SDK1: variants seen among roughly 807,000 people sequenced by gnomAD.
SDK1 encodes the protein sidekick cell adhesion molecule 1, also known as protein sidekick-1.
In SDK1, 157 loss-of-function variants were observed where a neutral mutation model predicts 245.5. The observed-to-expected ratio is 0.64, with a 90% CI of 0.56 to 0.73. The LOEUF is 0.73. Ranked by LOEUF, SDK1 falls within the 30% of genes least tolerant of loss-of-function variation. The pLI, the probability that SDK1 is intolerant of heterozygous loss-of-function variation, is 0.00. For synonymous variants in SDK1, 1,647 were observed against 1,278.5 expected (o/e 1.29, Z -6.15); for missense variants, 3,583 against 3,002.3 (o/e 1.19, Z -4.52).
At position 4,245,811 on chromosome 7, in the gene SDK1, T is replaced by C. The variant is rs371149899; in HGVS notation, c.6381+6T>C. On this transcript the variant is annotated splice_donor_region_variant and intron_variant, in intron 44 of 44. Coordinates refer to ENST00000404826, the MANE Select transcript of SDK1 (RefSeq NM_152744.4). ...CAGATGCATCAGAATCTGAGGTCAGTGTCGGTGCCTACTTCCGGGCAGTGA... is the reference window on the plus strand; with the variant it reads ...CAGATGCATCAGAATCTGAGGTCAGCGTCGGTGCCTACTTCCGGGCAGTGA... 2 of 1,613,694 alleles carry C rather than the reference T, an allele frequency of 1.2e-6. No homozygotes were observed. The highest frequency in any genetic ancestry group is 1.7e-6 in the Non-Finnish European group (2 of 1,179,858).
At chr7:3,755,075 A>G (rs1320825474) in intron 4 of SDK1, among the ~76,000 whole-genome samples, 1 of 152,222 alleles carries the variant, frequency 6.6e-6, no homozygotes, top group Admixed American at 6.5e-5. Context: ...AGCTTGCTAT[A>G]CCAAGGGAGC....
At chr7:3,452,579 A>G (rs1050556518) in intron 1 of SDK1, among the ~76,000 whole-genome samples, 1 of 152,206 alleles carries the variant, frequency 6.6e-6, no homozygotes, top group African/African-American at 2.4e-5. Flanking sequence ...TTTTGTGTAC[A>G]CTTTCATACT....
intron 5 of SDK1, among the ~76,000 whole-genome samples, chr7:3,909,372 C>T (rs1779072871): frequency 6.6e-6 from 1 of 152,196 alleles, no homozygotes; most frequent in South Asian, 2.1e-4. Flanking sequence ...CTGCTGTTGG[C>T]TCCTGTGGAG....
intron 1 of SDK1, among the ~76,000 whole-genome samples, chr7:3,567,893 C>A (rs527599046): frequency 2.0e-5 from 3 of 152,296 alleles, no homozygotes; most frequent in East Asian, 3.9e-4. Flanking sequence ...CTCATTGCAG[C>A]CTCGAACTCG....
chr7:3,481,779 G>C (rs1229787672), intron 1 of SDK1, among the ~76,000 whole-genome samples: 1 of 152,160 alleles, frequency 6.6e-6, no homozygotes, highest in Non-Finnish European at 1.5e-5. Flanking sequence ...ATTTGCTCCA[G>C]GGCATGGCAT....
chr7:3,868,764 C>T (rs1429979046), intron 5 of SDK1, among the ~76,000 whole-genome samples: 1 of 152,142 alleles, frequency 6.6e-6, no homozygotes, highest in East Asian at 1.9e-4. Flanking sequence ...ACATCTGTTA[C>T]CTTTAATTTG....
chr7:4,065,231 C>A (rs537748487), intron 19 of SDK1, among the ~76,000 whole-genome samples: 1 of 152,264 alleles, frequency 6.6e-6, no homozygotes, highest in African/African-American at 2.4e-5. Flanking sequence ...GCTTCAGACT[C>A]TCGGGTGCTG....
intron 1 of SDK1, among the ~76,000 whole-genome samples, chr7:3,306,328 T>C (rs996627795): frequency 2.6e-5 from 4 of 152,164 alleles, no homozygotes; most frequent in African/African-American, 4.8e-5. Flanking sequence ...CCTACCCCAA[T>C]TTTTCTTTCA....
At chr7:3,363,176 T>C (rs753338665) in intron 1 of SDK1, among the ~76,000 whole-genome samples, 2 of 152,228 alleles carry the variant, frequency 1.3e-5, no homozygotes, top group Non-Finnish European at 2.9e-5. Flanking sequence ...GAATCTGTTC[T>C]CCATTTCTAT....
chr7:4,041,306 G>A (rs1184210616), intron 17 of SDK1, among the ~76,000 whole-genome samples: 1 of 117,752 alleles, frequency 8.5e-6, no homozygotes, highest in Non-Finnish European at 1.7e-5. Context: ...TTTTTTTGGA[G>A]TACTTTCAGA....
chr7:3,630,051 A>G (rs1782242621), intron 2 of SDK1, among the ~76,000 whole-genome samples: 2 of 152,232 alleles, frequency 1.3e-5, no homozygotes, highest in Admixed American at 6.5e-5. Context: ...AGATATTAAT[A>G]AAGCTATAGT....
chr7:3,822,673 C>T (rs968024515), intron 5 of SDK1, among the ~76,000 whole-genome samples: 3 of 151,236 alleles, frequency 2.0e-5, no homozygotes, highest in Non-Finnish European at 4.4e-5. Context: ...GAGGCTGAGG[C>T]AGGAGAGTCA....
chr7:3,451,933 G>A (rs1193421562), intron 1 of SDK1, among the ~76,000 whole-genome samples: 1 of 152,138 alleles, frequency 6.6e-6, no homozygotes, highest in Non-Finnish European at 1.5e-5. Flanking sequence ...ATAGCACGCA[G>A]GCTTCTCTCC....
intron 13 of SDK1, among the ~76,000 whole-genome samples, chr7:3,983,520 A>G (rs777918744): frequency 3.3e-5 from 5 of 152,176 alleles, no homozygotes; most frequent in Non-Finnish European, 7.3e-5. Context: ...TGTTTTTTAG[A>G]CATAATGCTA....
intron 5 of SDK1, among the ~76,000 whole-genome samples, chr7:3,928,674 G>C (rs892553767): frequency 1.3e-5 from 2 of 152,112 alleles, no homozygotes; most frequent in African/African-American, 4.8e-5. Context: ...AATAACAATA[G>C]CAACAATGAT....
intron 25 of SDK1, among the ~76,000 whole-genome samples, chr7:4,120,209 T>C (rs1783968880): frequency 1.3e-5 from 2 of 148,848 alleles, no homozygotes; most frequent in African/African-American, 4.9e-5. Flanking sequence ...AGTTACAAAA[T>C]ACACAGAGAT....
At chr7:3,808,221 G>A (rs67724049) in intron 4 of SDK1, among the ~76,000 whole-genome samples, 31,958 of 152,170 alleles carry the variant, frequency 0.21, 3,632 homozygotes, top group Middle Eastern at 0.38. Flanking sequence ...ATGACGGCGA[G>A]GAGGGCAGAG....
Position 3,783,313 on chromosome 7 carries a change from A to G in SDK1, c.714-38137A>G, listed in dbSNP as rs77028704. On this transcript the variant is annotated intron_variant, in intron 4 of 44. Transcript: ENST00000404826. ...TCCTCTGACATAGACAAACATGCCT[A>G]TTCTTGCCACTTATATTTAACATAG... Among the ~76,000 whole-genome samples the G allele has an allele frequency of 5.7e-3, 863 of 152,304 alleles. 8 individuals carry two copies. Among genetic ancestry groups the G allele is most frequent in the African/African-American group, 0.02 (827 of 41,564 alleles).
At chr7:3,609,836 G>A in intron 1 of SDK1, among the ~76,000 whole-genome samples, 1 of 152,012 alleles carries the variant, frequency 6.6e-6, no homozygotes, top group South Asian at 2.1e-4. Flanking sequence ...AGGTAGCTGG[G>A]ACCACACGCA....
Sources: allele counts gnomAD v4.1 joint callset (sites outside exome capture counted in the v4.1 genomes callset), GRCh38; gene constraint gnomAD v4.1.1; transcripts MANE v1.5; gene names NCBI Gene and HGNC (gene_info 2026-07-23, HGNC 2026-07-21).